Variants in PPP1R9A observed in about 807,000 individuals in gnomAD.
PPP1R9A encodes neurabin-1.
Under a neutral mutation model 141.9 loss-of-function variants are expected in PPP1R9A, and 59 were observed. That is an observed-to-expected ratio of 0.42 (90% confidence interval 0.34 to 0.52). The LOEUF (loss-of-function observed/expected upper bound fraction) is 0.52, where lower values mean the gene tolerates loss of function less well. Ranked by LOEUF, PPP1R9A falls within the 20% of genes least tolerant of loss-of-function variation. The pLI, the probability that PPP1R9A is intolerant of heterozygous loss-of-function variation, is 0.10. For synonymous variants in PPP1R9A, 500 were observed against 569.7 expected, an observed-to-expected ratio of 0.88 and a Z score of 1.74; for missense variants, 1,444 against 1,611.9, an observed-to-expected ratio of 0.90 and a Z score of 1.78.
intron 2 of PPP1R9A, among the ~76,000 whole-genome samples, chr7:94,930,362 G>A (rs985812672): frequency 9.2e-5 from 14 of 152,164 alleles, no homozygotes; most frequent in Middle Eastern, 6.8e-3. Flanking sequence ...TTTTGAGATG[G>A]AGTCTCACTC....
At chr7:95,107,781 A>G (rs1299026978) in intron 2 of PPP1R9A, among the ~76,000 whole-genome samples, 1 of 152,132 alleles carries the variant, frequency 6.6e-6, no homozygotes, top group Non-Finnish European at 1.5e-5. Context: ...TTCACGAAAA[A>G]TGTAGGTAGG....
intron 2 of PPP1R9A, among the ~76,000 whole-genome samples, chr7:95,085,952 C>G (rs895386204): frequency 2.0e-5 from 3 of 151,792 alleles, no homozygotes; most frequent in Non-Finnish European, 4.4e-5. Flanking sequence ...ATACACTAAT[C>G]CACTTGGAAT....
intron 2 of PPP1R9A, 82 bp downstream of exon 2, chr7:94,911,590 T>A: frequency 9.1e-7 from 1 of 1,093,158 alleles, no homozygotes; most frequent in Non-Finnish European, 1.3e-6. Context: ...ACTTGACAAC[T>A]AGTAGGAGTT....
intron 2 of PPP1R9A, among the ~76,000 whole-genome samples, chr7:94,936,948 A>AT (rs1320641405): frequency 1.3e-5 from 2 of 151,740 alleles, no homozygotes; most frequent in Admixed American, 1.3e-4. Flanking sequence ...AATAGGAGGA[A>AT]TTTTTTTTGT....
intron 4 of PPP1R9A, among the ~76,000 whole-genome samples, chr7:95,134,406 G>A (rs1825250038): frequency 6.6e-6 from 1 of 152,100 alleles, no homozygotes; most frequent in Non-Finnish European, 1.5e-5. Context: ...GATGGGTGCA[G>A]CAAACCACCA....
Position 94,910,768 on chromosome 7 carries a change from A to G in PPP1R9A, c.655A>G (p.Ile219Val). The change falls in exon 2 of 20, where the codon ATT (isoleucine) becomes GTT (valine). Residue 219 changes from isoleucine to valine, a missense_variant. By Grantham distance (29) the Ile-to-Val change is conservative (BLOSUM62 3). Around this residue, in one of 5 missense-constraint regions of PPP1R9A, gnomAD observed 490 missense variants for 521.1 expected, o/e 0.94. Transcript: ENST00000433360. The surrounding 1 kb of genome is among the most constrained non-coding windows in gnomAD (Gnocchi z 4.5). ...FENTDSPSAI[I>V]SEKAENNEYS... ...GAACACTGATTCTCCCAGTGCCATC[A>G]TTTCTGAGAAGGCTGAAAACAATGA... 6.2e-7 allele frequency: 1 copy of G among 1,614,130 alleles called. No homozygotes were observed. Among genetic ancestry groups the G allele is most frequent in the Non-Finnish European group, 8.5e-7 (1 of 1,180,038 alleles).
chr7:95,080,813 T>A (rs991268863), intron 2 of PPP1R9A, among the ~76,000 whole-genome samples: 2 of 152,192 alleles, frequency 1.3e-5, no homozygotes, highest in African/African-American at 2.4e-5. Flanking sequence ...GGGTGGCATA[T>A]TCTGGTTTCC....
intron 19 of PPP1R9A, 26 bp from the exon 20 acceptor site, chr7:95,290,065 A>C: frequency 6.2e-7 from 1 of 1,607,552 alleles, no homozygotes; most frequent in Non-Finnish European, 8.5e-7. Flanking sequence ...TTTCAAATTC[A>C]GTTTGTGTGT....
At chr7:94,946,293 A>G (rs538059956) in intron 2 of PPP1R9A, among the ~76,000 whole-genome samples, 3 of 152,018 alleles carry the variant, frequency 2.0e-5, no homozygotes, top group Non-Finnish European at 4.4e-5. Context: ...ATGCCTGGAG[A>G]GTTTGTAGAA....
chr7:95,221,024 A>G (rs149782465), intron 7 of PPP1R9A, among the ~76,000 whole-genome samples: 10 of 152,222 alleles, frequency 6.6e-5, no homozygotes, highest in Admixed American at 6.6e-4. Flanking sequence ...GAAATGACCA[A>G]TTTGCTTATA....
intron 2 of PPP1R9A, among the ~76,000 whole-genome samples, chr7:95,021,756 G>T (rs934353763): frequency 2.0e-5 from 3 of 152,050 alleles, no homozygotes; most frequent in Non-Finnish European, 2.9e-5. Context: ...TTTTTGTGAG[G>T]TTTGTCAAAG....
intron 12 of PPP1R9A, among the ~76,000 whole-genome samples, chr7:95,260,631 A>G (rs1468006994): frequency 6.6e-6 from 1 of 151,528 alleles, no homozygotes; most frequent in Non-Finnish European, 1.5e-5. Flanking sequence ...GTGAACCAAG[A>G]TAGTGCCCCT....
intron 2 of PPP1R9A, among the ~76,000 whole-genome samples, chr7:95,098,915 C>G (rs752385163): frequency 1.3e-4 from 20 of 152,166 alleles, no homozygotes; most frequent in Non-Finnish European, 2.6e-4. Flanking sequence ...TTAAAAGTCT[C>G]ACTTTCCATT....
intron 8 of PPP1R9A, among the ~76,000 whole-genome samples, chr7:95,235,444 G>GAAATGT (rs34737843): frequency 7.5e-4 from 114 of 152,198 alleles, no homozygotes; most frequent in African/African-American, 2.6e-3. Context: ...AATTATCAGG[G>GAAATGT]AAATGTAAAT....
intron 5 of PPP1R9A, among the ~76,000 whole-genome samples, chr7:95,168,975 G>A (rs1831694941): frequency 1.3e-5 from 2 of 151,948 alleles, no homozygotes; most frequent in Admixed American, 6.6e-5. Flanking sequence ...AAACAGTAAG[G>A]AGACTTCTCA....
intron 2 of PPP1R9A, among the ~76,000 whole-genome samples, chr7:94,997,769 A>T (rs565742379): frequency 6.6e-6 from 1 of 152,264 alleles, no homozygotes; most frequent in South Asian, 2.1e-4. Flanking sequence ...CTCTGAGCTC[A>T]CTAGTACTCA....
chr7:95,236,853 T>C (rs1796748894), intron 8 of PPP1R9A, among the ~76,000 whole-genome samples: 1 of 151,756 alleles, frequency 6.6e-6, no homozygotes, highest in South Asian at 2.1e-4. Flanking sequence ...GTCACAATTT[T>C]TTACAGATAG....
intron 2 of PPP1R9A, among the ~76,000 whole-genome samples, chr7:95,007,847 G>A (rs1341792915): frequency 6.6e-6 from 1 of 152,182 alleles, no homozygotes; most frequent in Admixed American, 6.5e-5. Context: ...CGAGGCGGGC[G>A]GATCACCTGA....
intron 2 of PPP1R9A, among the ~76,000 whole-genome samples, chr7:94,929,756 G>A (rs570916474): frequency 6.6e-6 from 1 of 152,088 alleles, no homozygotes; most frequent in Non-Finnish European, 1.5e-5. Flanking sequence ...GAAAGGCTAG[G>A]TGTGGGGTGG....
Sources: gnomAD v4.1 joint callset for allele counts (sites outside exome capture counted in the v4.1 genomes callset) on GRCh38, gnomAD v4.1.1 for gene constraint, gnomAD v4.1.1 regional missense constraint, Gnocchi (gnomAD v3.1) non-coding constraint, MANE v1.5 for transcripts, NCBI Gene and HGNC (gene_info 2026-07-23, HGNC 2026-07-21) for gene names.